The following DNAH5 variants were observed in gnomAD, a reference collection of about 807,000 sequenced individuals.
The protein encoded by DNAH5 is dynein axonemal heavy chain 5, also known as axonemal beta dynein heavy chain 5.
Under a neutral mutation model 518.2 loss-of-function variants are expected in DNAH5, and 372 were observed. That is an observed-to-expected ratio of 0.72 (90% CI 0.66 to 0.78). The LOEUF (loss-of-function observed/expected upper bound fraction) is 0.78. Ranked by LOEUF, DNAH5 falls within the 30% of genes least tolerant of loss-of-function variation. DNAH5 has a pLI of 0.00. For missense variants in DNAH5, 5,523 were observed against 5,687.0 expected (o/e 0.97, Z 0.93); for synonymous variants, 2,039 against 2,025.9 (o/e 1.01, Z -0.17).
intron 1 of DNAH5, among the ~76,000 whole-genome samples, chr5:13,981,794 A>G (rs1782690535): frequency 6.6e-6 from 1 of 152,222 alleles, no homozygotes; most frequent in African/African-American, 2.4e-5. Flanking sequence ...GAGGGGAAAG[A>G]AGAGTTACAG....
intron 47 of DNAH5, among the ~76,000 whole-genome samples, chr5:13,794,891 C>T (rs530593374): frequency 2.6e-5 from 4 of 152,222 alleles, no homozygotes; most frequent in South Asian, 4.2e-4. Context: ...GGTGTGAACC[C>T]GGGAGGCAGA....
rs1561177518 is a variant in DNAH5, at chr5:13,753,289, G to C, written c.10816C>G (p.Pro3606Ala). Reference sequence around the variant, plus strand: ...ATCCAGATCTTGCCTTGAGTCTGTGGATCAATTAACAAAGGGTAACGAGAT... The same window carrying C: ...ATCCAGATCTTGCCTTGAGTCTGTGCATCAATTAACAAAGGGTAACGAGAT... ...KASRYPLLID[P>A]QTQGKIWIKN... Residue 3606 changes from proline to alanine, a missense_variant, in exon 63 of 79, where the codon CCA becomes GCA. Coordinates refer to ENST00000265104, the MANE Select transcript of DNAH5 (RefSeq NM_001369.3). 1 of 1,613,898 alleles carries C rather than the reference G, an allele frequency of 6.2e-7. No homozygotes were observed. The highest frequency in any genetic ancestry group is 1.7e-5 in the Admixed American group (1 of 60,002).
Position 13,735,945 on chromosome 5 carries a change from G to C in DNAH5, c.11456-13C>G, listed in dbSNP as rs769561160. 30 of 1,599,008 alleles carry C rather than the reference G, an allele frequency of 1.9e-5. No homozygotes were observed. Among genetic ancestry groups the C allele is most frequent in the Admixed American group, 1.2e-4 (7 of 59,962 alleles). The stretch of plus-strand genomic sequence containing the variant: ...CCCCGCGTAGCCACTGGAAGACAAA[G>C]AGCAAGGTTGCATGTGCTACGAGAG... On this transcript the variant is annotated splice_polypyrimidine_tract_variant and intron_variant, in intron 66 of 78. Coordinates refer to ENST00000265104, the MANE Select transcript of DNAH5 (RefSeq NM_001369.3).
rs191057833 is a variant in DNAH5 at position 13,727,652 on chromosome 5, G to A, written c.11888C>T (p.Ser3963Leu). 15 of 1,613,612 alleles carry A rather than the reference G, an allele frequency of 9.3e-6. No individual in the cohort carries two copies. The African/African-American group carries it at 1.2e-4, about 13-fold the overall frequency. The change falls in exon 70 of 79, where the codon TCG becomes TTG. Residue 3963 changes from serine (S) to leucine (L), a missense_variant. Around this residue, in one of 3 missense-constraint regions of DNAH5, gnomAD observed 5,121 missense variants for 5,223.3 expected, o/e 0.98. Transcript: ENST00000265104. ...AATTTTCCACATTTTCTCATTTCTC[G>A]ATATCTGAAAATACCATGGGATAAA... is the stretch of plus-strand genomic sequence containing the variant. Reference protein sequence around the residue: ...RQFSDVLDQISRNEKMWKIWF... With the variant: ...RQFSDVLDQILRNEKMWKIWF...
chr5:13,913,789 T>C lies in DNAH5; in HGVS notation c.1490A>G (p.Gln497Arg). 1 of 1,613,620 alleles carries C rather than the reference T, an allele frequency of 6.2e-7. No individual in the cohort carries two copies. Among genetic ancestry groups the C allele is most frequent in the South Asian group, 1.1e-5 (1 of 91,076 alleles). ...FTTLKTYSVL[Q>R]DSTIEGLEDM... ...TTCCAGCCCTTCAATTGTGGAATCTTGCAGGACTGAATACGTCTTGAGGGT... is the reference window on the plus strand; with the variant it reads ...TTCCAGCCCTTCAATTGTGGAATCTCGCAGGACTGAATACGTCTTGAGGGT... Residue 497 changes from glutamine (Q) to arginine (R), a missense_variant, in exon 11 of 79, where the codon CAA (glutamine) becomes CGA (arginine). Physicochemically the swap from Gln to Arg is conservative, Grantham distance 43. Around this residue, in one of 3 missense-constraint regions of DNAH5, gnomAD observed 5,121 missense variants for 5,223.3 expected, o/e 0.98. Coordinates refer to ENST00000265104, the MANE Select transcript of DNAH5 (RefSeq NM_001369.3).
chr5:13,943,152 G>A (rs1356841662), intron 1 of DNAH5, among the ~76,000 whole-genome samples: 1 of 152,162 alleles, frequency 6.6e-6, no homozygotes, highest in African/African-American at 2.4e-5. Context: ...CAATTGTGGT[G>A]TTTCAGACTT....
intron 1 of DNAH5, among the ~76,000 whole-genome samples, chr5:13,976,413 T>A (rs557451607): frequency 6.6e-6 from 1 of 152,140 alleles, no homozygotes. Flanking sequence ...AGGAGGTGAA[T>A]CATCCCTTTG....
At chr5:13,738,026 G>C (rs375715256) in intron 65 of DNAH5, among the ~76,000 whole-genome samples, 85 of 150,996 alleles carry the variant, frequency 5.6e-4, no homozygotes, top group African/African-American at 2.1e-3. Context: ...TCATGCAACT[G>C]CACTCCAGCC....
Position 13,776,490 on chromosome 5 carries a change from C to G in DNAH5, c.9322G>C (p.Gly3108Arg), listed in dbSNP as rs376789497. The change falls in exon 55 of 79, where the codon GGA becomes CGA. Residue 3108 changes from glycine (G) to arginine (R), a missense_variant. Gly to Arg is a moderately radical substitution (Grantham distance 125, BLOSUM62 -2). This residue lies in a region of DNAH5 where 5,121 missense variants were observed against 5,223.3 expected (regional missense o/e 0.98). Transcript: ENST00000265104. ...RALKFPALIS[G>R]CTIDWFSRWP... Reference sequence around the variant, plus strand: ...CGGCTGAACCAGTCAATTGTGCATCCTGAAATTAGGGCAGGGAACTTCAAA... The same window carrying G: ...CGGCTGAACCAGTCAATTGTGCATCGTGAAATTAGGGCAGGGAACTTCAAA... 3.7e-5 allele frequency: 60 copies of G among 1,613,710 alleles called. No individual in the cohort carries two copies. Among genetic ancestry groups the G allele is most frequent in the Non-Finnish European group, 4.8e-5 (57 of 1,179,814 alleles).
In DNAH5 at chr5:13,700,794, G is replaced by A. The variant is rs151080414; in HGVS notation, c.13569C>T (p.Asp4523=). ...CCTCTGTGGGAGGGGCAGAAATGTC[G>A]TCCTTCATCCATTTGGTGACTTCAT... is the stretch of plus-strand genomic sequence containing the variant. ...LCNEVTKWMK[D]DISAPPTEGV... Residue 4523 remains aspartate, a synonymous_variant, in exon 78 of 79, where the codon GAC becomes GAT. Coordinates refer to ENST00000265104, the MANE Select transcript of DNAH5 (RefSeq NM_001369.3). 3.4e-5 allele frequency: 55 copies of A among 1,614,074 alleles called. No homozygotes were observed. The highest frequency in any genetic ancestry group is 2.5e-4 in the East Asian group (11 of 44,872).
chr5:13,934,192 G>A (rs1475324105), intron 1 of DNAH5, among the ~76,000 whole-genome samples: 1 of 152,158 alleles, frequency 6.6e-6, no homozygotes, highest in Non-Finnish European at 1.5e-5. Flanking sequence ...ACATGGAGGA[G>A]AACAAAACCT....
rs372067166 is a variant in DNAH5, at chr5:13,826,993, G to A, written c.6444+2517C>T. Among the ~76,000 whole-genome samples, 63 of 152,294 alleles carry A rather than the reference G, an allele frequency of 4.1e-4. No homozygotes were observed. The East Asian group carries it at 5.8e-3, about 14-fold the overall frequency. Reference sequence around the variant, plus strand: ...GAGAGTTATATGGACAGTGATTTCCGGCTGAGGTGGTCTCAGATAAAGATG... The same window carrying A: ...GAGAGTTATATGGACAGTGATTTCCAGCTGAGGTGGTCTCAGATAAAGATG... On this transcript the variant is annotated intron_variant, in intron 38 of 78. Coordinates refer to ENST00000265104, the MANE Select transcript of DNAH5 (RefSeq NM_001369.3).
chr5:13,717,241 G>T, intron 73 of DNAH5, 74 bp downstream of exon 73: 1 of 1,362,764 alleles, frequency 7.3e-7, no homozygotes, highest in Non-Finnish European at 1.0e-6. Flanking sequence ...TTACGCCAAA[G>T]CTAGGAGGTC....
chr5:13,714,716 T>C, intron 74 of DNAH5, 96 bp from the exon 75 acceptor site: 3 of 1,152,096 alleles, frequency 2.6e-6, no homozygotes, highest in Non-Finnish European at 2.5e-6. Flanking sequence ...TATGAGGGTA[T>C]GCATTTACTT....
intron 1 of DNAH5, among the ~76,000 whole-genome samples, chr5:14,007,547 T>A (rs1784803112): frequency 6.6e-6 from 1 of 152,230 alleles, no homozygotes; most frequent in African/African-American, 2.4e-5. Context: ...AGTCTGATCA[T>A]AATTCTATTA....
At chr5:13,886,750 T>C (rs1772498437) in intron 17 of DNAH5, among the ~76,000 whole-genome samples, 1 of 152,188 alleles carries the variant, frequency 6.6e-6, no homozygotes, top group Non-Finnish European at 1.5e-5. Context: ...AGTTCCAGCA[T>C]TATACATCTT....
intron 38 of DNAH5, among the ~76,000 whole-genome samples, chr5:13,824,715 T>A (rs982970799): frequency 6.6e-6 from 1 of 152,216 alleles, no homozygotes; most frequent in African/African-American, 2.4e-5. Flanking sequence ...AAACTGGGAC[T>A]GCACTCATGA....
chr5:13,741,568 T>C (rs1014349065), intron 65 of DNAH5, among the ~76,000 whole-genome samples: 2 of 152,304 alleles, frequency 1.3e-5, no homozygotes, highest in South Asian at 4.1e-4. Flanking sequence ...ATGGCTGCTA[T>C]AAAATTAATT....
At chr5:13,865,098 G>A (rs549881807) in intron 27 of DNAH5, among the ~76,000 whole-genome samples, 1 of 149,196 alleles carries the variant, frequency 6.7e-6, no homozygotes, top group Admixed American at 6.7e-5. Context: ...GGGTTCAAGC[G>A]ATTCTCCTGC....
Sources: allele counts gnomAD v4.1 joint callset (sites outside exome capture counted in the v4.1 genomes callset), GRCh38; gene constraint gnomAD v4.1.1; regional missense constraint gnomAD v4.1.1; transcripts MANE v1.5; gene names NCBI Gene and HGNC (gene_info 2026-07-23, HGNC 2026-07-21).